Variants in NNMT observed in about 807,000 individuals in gnomAD.
NNMT encodes the protein nicotinamide N-methyltransferase.
A neutral mutation model predicts 11.7 loss-of-function variants in NNMT; 10 were observed. The observed-to-expected ratio is 0.85, with a 90% CI of 0.53 to 1.45. The LOEUF is 1.45. Among genes scored for constraint, NNMT ranks in the 40% most tolerant of loss-of-function variants. The pLI is 0.00. For synonymous variants in NNMT, 143 were observed against 133.8 expected (o/e 1.07, Z -0.48); for missense variants, 381 against 319.4 (o/e 1.19, Z -1.47).
At chr11:114,271,480 A>G (rs1316108543) in intron 2 of NNMT, among the ~76,000 whole-genome samples, 1 of 152,172 alleles carries the variant, frequency 6.6e-6, no homozygotes, top group African/African-American at 2.4e-5. Context: ...GCAGTTATAG[A>G]GCAGGTGCTT....
chr11:114,266,836 G>T (rs993953906), intron 2 of NNMT, among the ~76,000 whole-genome samples: 2 of 152,194 alleles, frequency 1.3e-5, no homozygotes, highest in African/African-American at 4.8e-5. Flanking sequence ...CGGCATAAAG[G>T]CCCACACCAG....
At chr11:114,293,797 G>A (rs967428933), upstream of NNMT, among the ~76,000 whole-genome samples, 1 of 151,974 alleles carries the variant, frequency 6.6e-6, no homozygotes, top group Non-Finnish European at 1.5e-5. Flanking sequence ...TATACCCAAA[G>A]GAAAGGAAAT....
intron 2 of NNMT, 154 bp downstream of exon 2, chr11:114,298,312 G>A: frequency 1.6e-6 from 1 of 637,106 alleles, no homozygotes; most frequent in African/African-American, 1.8e-5. Flanking sequence ...GCCCATGTGT[G>A]TGCATGTTAG....
intron 2 of NNMT, among the ~76,000 whole-genome samples, chr11:114,303,710 T>C (rs1945461984): frequency 6.6e-6 from 1 of 152,206 alleles, no homozygotes; most frequent in Admixed American, 6.5e-5. Context: ...TAGTAAGAAG[T>C]TGAGAGAGGC....
chr11:114,259,703 ACTCGC>A (rs1945061018), intron 1 of NNMT, among the ~76,000 whole-genome samples: 1 of 81,500 alleles, frequency 1.2e-5, no homozygotes, highest in Non-Finnish European at 2.6e-5. Flanking sequence ...GTGAAAGTGA[ACTCGC>A]TCATTTAAAC....
chr11:114,266,059 A>T lies in NNMT; in HGVS notation c.-130+3125A>T, dbSNP rs903286546. Among the ~76,000 whole-genome samples the T allele has an allele frequency of 7.9e-5, 12 of 152,146 alleles. No homozygotes were observed. The South Asian group carries it at 2.3e-3, about 29-fold the overall frequency. On this transcript the variant is annotated intron_variant, in intron 2 of 4. Coordinates refer to the NNMT transcript ENST00000535401. Reference sequence around the variant, plus strand: ...TGTAATTTAGGGTCCAGAAGCAGGTAGCTTTCCTATATCCAAGAAAACCCA... The same window carrying T: ...TGTAATTTAGGGTCCAGAAGCAGGTTGCTTTCCTATATCCAAGAAAACCCA...
intron 2 of NNMT, among the ~76,000 whole-genome samples, chr11:114,277,048 AC>A (rs201696145): frequency 0.024 from 3,650 of 152,062 alleles, 130 homozygotes; most frequent in African/African-American, 0.081. Context: ...ACATGGTGAA[AC>A]CCCATCTCTA....
At chr11:114,282,926 A>G (rs1268673015) in intron 2 of NNMT, among the ~76,000 whole-genome samples, 1 of 152,262 alleles carries the variant, frequency 6.6e-6, no homozygotes, top group Admixed American at 6.5e-5. Flanking sequence ...ATGCATGTTT[A>G]GAAGTGCTCA....
chr11:114,260,478 G>A (rs1373159827), intron 1 of NNMT, among the ~76,000 whole-genome samples: 1 of 152,214 alleles, frequency 6.6e-6, no homozygotes, highest in Non-Finnish European at 1.5e-5. Flanking sequence ...GCAGGTCTAA[G>A]TCAGACCTTC....
chr11:114,276,774 C>T (rs1945216348), intron 2 of NNMT, among the ~76,000 whole-genome samples: 2 of 152,210 alleles, frequency 1.3e-5, no homozygotes, highest in Admixed American at 1.3e-4. Flanking sequence ...TCCATCCTCA[C>T]CCCTGCGAAT....
At chr11:114,260,488 C>T (rs1187464784) in intron 1 of NNMT, among the ~76,000 whole-genome samples, 1 of 152,254 alleles carries the variant, frequency 6.6e-6, no homozygotes, top group Non-Finnish European at 1.5e-5. Flanking sequence ...GTCAGACCTT[C>T]GATGCCAATC....
intron 2 of NNMT, among the ~76,000 whole-genome samples, chr11:114,300,607 T>TGAGA (rs76672385): frequency 0.96 from 145,539 of 152,102 alleles, 69,937 homozygotes; most frequent in Middle Eastern, 1. Context: ...TGTCAATTAC[T>TGAGA]GAGAGTGTTA....
At position 114,312,604 on chromosome 11, in the gene NNMT, G is replaced by T; in HGVS notation, c.*127G>T. ...GGGGCCCAATGGTTCATCTAGGACGGGACTAGAGAGGTCAGTCTACAAGCA... is the reference window on the plus strand; with the variant it reads ...GGGGCCCAATGGTTCATCTAGGACGTGACTAGAGAGGTCAGTCTACAAGCA... On this transcript the variant is annotated 3_prime_UTR_variant, in exon 3 of 3. Coordinates refer to ENST00000299964, the MANE Select transcript of NNMT (RefSeq NM_006169.3). The T allele has an allele frequency of 1.2e-6, 1 of 843,338 alleles. No homozygotes were observed. Among genetic ancestry groups the T allele is most frequent in the Non-Finnish European group, 1.8e-6 (1 of 540,956 alleles). 52.2% of individuals were successfully genotyped at this position (843,338 alleles called of 1,614,324 possible).
intron 2 of NNMT, among the ~76,000 whole-genome samples, chr11:114,265,064 G>A (rs1329830022): frequency 1.3e-5 from 2 of 152,120 alleles, no homozygotes; most frequent in Admixed American, 1.3e-4. Flanking sequence ...GATGTTGCAG[G>A]GTAGGGTTGA....
chr11:114,290,616 T>G (rs1945328328), intron 2 of NNMT, among the ~76,000 whole-genome samples: 1 of 152,196 alleles, frequency 6.6e-6, no homozygotes, highest in Non-Finnish European at 1.5e-5. Flanking sequence ...AAGGCATTAT[T>G]TTTTATGTCT....
intron 2 of NNMT, 131 bp from the exon 3 acceptor site, chr11:114,311,914 T>A: frequency 3.4e-6 from 3 of 869,868 alleles, no homozygotes; most frequent in Non-Finnish European, 3.5e-6. Flanking sequence ...CTTCTTTCTC[T>A]CCTTTCCCGA....
chr11:114,279,154 G>A (rs1296778119), intron 2 of NNMT, among the ~76,000 whole-genome samples: 1 of 152,200 alleles, frequency 6.6e-6, no homozygotes. Flanking sequence ...AGTGTGAGTA[G>A]GTATTGCTAT....
intron 2 of NNMT, among the ~76,000 whole-genome samples, chr11:114,301,738 A>C (rs780808429): frequency 2.8e-4 from 42 of 152,088 alleles, no homozygotes; most frequent in Non-Finnish European, 4.7e-4. Context: ...TACAATACCA[A>C]GAGTGAATCT....
chr11:114,299,279 T>G (rs1451195203), intron 2 of NNMT, among the ~76,000 whole-genome samples: 2 of 152,244 alleles, frequency 1.3e-5, no homozygotes, highest in Non-Finnish European at 2.9e-5. Flanking sequence ...ATATTATTTA[T>G]CAGACTAAGT....
Sources: allele counts gnomAD v4.1 joint callset (sites outside exome capture counted in the v4.1 genomes callset), GRCh38; gene constraint gnomAD v4.1.1; transcripts MANE v1.5; gene names NCBI Gene and HGNC (gene_info 2026-07-23, HGNC 2026-07-21).